DAB1: variants seen among roughly 807,000 people sequenced by gnomAD.
The protein encoded by DAB1 is disabled homolog 1.
DAB1 carries 15 observed loss-of-function variants against 64.6 expected under a neutral mutation model. The ratio of observed to expected loss-of-function variants is 0.23; its 90% confidence interval spans 0.16 to 0.36. The LOEUF is 0.36. DAB1 is among the 10% of genes least tolerant of loss of function. The probability of loss-of-function intolerance (pLI) is 1.00; values close to 1 mark genes in which losing one functional copy is unlikely to be tolerated. For synonymous variants in DAB1, 235 were observed against 251.9 expected (o/e 0.93, Z 0.64); for missense variants, 596 against 706.7 (o/e 0.84, Z 1.78).
chr1:57,039,438 A>T (rs1647434718), intron 9 of DAB1, among the ~76,000 whole-genome samples: 1 of 152,174 alleles, frequency 6.6e-6, no homozygotes, highest in Non-Finnish European at 1.5e-5. Flanking sequence ...CATGGCAAAA[A>T]TTTGGGTGAT....
chr1:57,984,180 AAAAAAAAGAAAG>A (rs1646136595), intron 5 of DAB1, among the ~76,000 whole-genome samples: 1 of 52,452 alleles, frequency 1.9e-5, no homozygotes, highest in African/African-American at 5.3e-5. Flanking sequence ...GGACTAGCTT[AAAAAAAAGAAAG>A]AAAGAAAGAA....
At chr1:57,904,023 T>C (rs1644513945) in intron 5 of DAB1, among the ~76,000 whole-genome samples, 1 of 152,190 alleles carries the variant, frequency 6.6e-6, no homozygotes, top group Non-Finnish European at 1.5e-5. Flanking sequence ...ACATCTTCCT[T>C]TGTACTTCAT....
chr1:58,519,463 A>G (rs1398963358), intron 2 of DAB1, among the ~76,000 whole-genome samples: 1 of 152,184 alleles, frequency 6.6e-6, no homozygotes, highest in Admixed American at 6.5e-5. Flanking sequence ...CTGTCCTACA[A>G]TCTTACAGTA....
intron 2 of DAB1, among the ~76,000 whole-genome samples, chr1:57,262,233 A>T (rs561490913): frequency 1.7e-4 from 26 of 152,230 alleles, no homozygotes; most frequent in Non-Finnish European, 3.5e-4. Flanking sequence ...AAGCTGATTA[A>T]ATGACTTCCC....
intron 1 of DAB1, among the ~76,000 whole-genome samples, chr1:57,394,784 AT>A (rs1682669340): frequency 1.3e-5 from 2 of 152,202 alleles, no homozygotes; most frequent in Admixed American, 1.3e-4. Context: ...TGCATTGAGA[AT>A]CTCCTAGAGA....
At chr1:57,416,717 T>G (rs1335518346) in intron 1 of DAB1, among the ~76,000 whole-genome samples, 1 of 152,146 alleles carries the variant, frequency 6.6e-6, no homozygotes, top group African/African-American at 2.4e-5. Flanking sequence ...TACCCTAATC[T>G]TTTTACCCAA....
intron 5 of DAB1, among the ~76,000 whole-genome samples, chr1:58,132,127 C>T (rs969804120): frequency 6.6e-6 from 1 of 152,200 alleles, no homozygotes; most frequent in African/African-American, 2.4e-5. Context: ...GGGCGTAGGA[C>T]CCTCCAAGCC....
At chr1:57,235,945 A>G (rs1036049077) in intron 2 of DAB1, among the ~76,000 whole-genome samples, 2 of 152,188 alleles carry the variant, frequency 1.3e-5, no homozygotes, top group African/African-American at 4.8e-5. Flanking sequence ...TTGAAATTGA[A>G]AGCAGCAGTC....
chr1:58,325,983 C>T (rs1662813250), intron 4 of DAB1, among the ~76,000 whole-genome samples: 1 of 152,134 alleles, frequency 6.6e-6, no homozygotes, highest in African/African-American at 2.4e-5. Flanking sequence ...TGCCACTCGG[C>T]CACCCCACCC....
chr1:58,482,841 G>A (rs532757920), intron 3 of DAB1, among the ~76,000 whole-genome samples: 2 of 152,250 alleles, frequency 1.3e-5, no homozygotes, highest in South Asian at 2.1e-4. Flanking sequence ...AGTGGAGCAG[G>A]GTGGAGGGCA....
intron 2 of DAB1, among the ~76,000 whole-genome samples, chr1:57,176,583 C>T (rs1662340599): frequency 6.6e-6 from 1 of 152,050 alleles, no homozygotes; most frequent in African/African-American, 2.4e-5. Flanking sequence ...ACCCCTCCAC[C>T]ATAATCTGAA....
At chr1:57,997,661 C>A (rs1351699628) in intron 5 of DAB1, among the ~76,000 whole-genome samples, 3 of 152,030 alleles carry the variant, frequency 2.0e-5, no homozygotes, top group Admixed American at 6.6e-5. Flanking sequence ...TATTGCTGAA[C>A]TGGGGGTGAA....
At chr1:58,490,825 TG>T (rs1645671443) in intron 3 of DAB1, among the ~76,000 whole-genome samples, 2 of 118,906 alleles carry the variant, frequency 1.7e-5, no homozygotes, top group African/African-American at 7.3e-5. Flanking sequence ...TTTTTTTTTT[TG>T]AGACGGACTC....
At chr1:57,759,747 C>T (rs978887176) in intron 6 of DAB1, among the ~76,000 whole-genome samples, 1 of 152,032 alleles carries the variant, frequency 6.6e-6, no homozygotes, top group African/African-American at 2.4e-5. Context: ...TGTTAAGAAA[C>T]CAGTTAGGAG....
At chr1:58,039,286 A>G (rs1431146336) in intron 5 of DAB1, among the ~76,000 whole-genome samples, 1 of 152,164 alleles carries the variant, frequency 6.6e-6, no homozygotes. Context: ...GGAACCAGAC[A>G]GTGGGGACAG....
At chr1:57,780,206 C>T (rs1649999492) in intron 6 of DAB1, among the ~76,000 whole-genome samples, 1 of 151,876 alleles carries the variant, frequency 6.6e-6, no homozygotes, top group South Asian at 2.1e-4. Flanking sequence ...AATCATGGGC[C>T]AGTTATATTT....
intron 6 of DAB1, among the ~76,000 whole-genome samples, chr1:57,746,844 G>A (rs1288806726): frequency 6.6e-6 from 1 of 151,814 alleles, no homozygotes. Context: ...TGGAAGTCAT[G>A]GATATGGAGG....
chr1:57,957,927 G>C (rs571846058), intron 5 of DAB1, among the ~76,000 whole-genome samples: 1 of 152,008 alleles, frequency 6.6e-6, no homozygotes, highest in South Asian at 2.1e-4. Context: ...TGAATACAAA[G>C]TATGAAACTC....
chr1:57,976,608 G>A (rs1324517347), intron 5 of DAB1, among the ~76,000 whole-genome samples: 1 of 152,142 alleles, frequency 6.6e-6, no homozygotes, highest in East Asian at 1.9e-4. Context: ...TAAGCGGGAA[G>A]GAGAGGAGGG....
Sources: allele counts gnomAD v4.1 joint callset (sites outside exome capture counted in the v4.1 genomes callset), GRCh38; gene constraint gnomAD v4.1.1; transcripts MANE v1.5; gene names NCBI Gene and HGNC (gene_info 2026-07-23, HGNC 2026-07-21).